The following PCDH9 variants were observed in gnomAD, a reference collection of about 807,000 sequenced individuals.
The protein encoded by PCDH9 is protocadherin-9.
PCDH9 carries 24 observed loss-of-function variants against 70.6 expected under a neutral mutation model. That is an observed-to-expected ratio of 0.34 (90% CI 0.25 to 0.48). The LOEUF (loss-of-function observed/expected upper bound fraction) is 0.48. Ranked by LOEUF, PCDH9 falls within the 20% of genes least tolerant of loss-of-function variation. PCDH9 has a pLI of 0.99. For synonymous variants in PCDH9, 562 were observed against 558.5 expected (o/e 1.01, Z -0.09); for missense variants, 1,281 against 1,503.6 (o/e 0.85, Z 2.45).
At position 66,340,387 on chromosome 13, in the gene PCDH9, T is replaced by C. The variant is rs556873840; in HGVS notation, c.3341-35359A>G. Among the ~76,000 whole-genome samples the C allele has an allele frequency of 4.6e-5, 7 of 152,310 alleles. 1 individual carries two copies. In the South Asian group the frequency reaches 1.2e-3, roughly 27 times the overall value. ...TTCATGGTGACACTTTTCTACTACA[T>C]GGCTTTTTATTGCCCCAAACTAATG... On this transcript the variant is annotated intron_variant, in intron 4 of 4. Coordinates refer to ENST00000377865, the MANE Select transcript of PCDH9 (RefSeq NM_203487.3).
At chr13:66,458,899 A>G (rs891953884) in intron 4 of PCDH9, among the ~76,000 whole-genome samples, 10 of 152,022 alleles carry the variant, frequency 6.6e-5, no homozygotes, top group Non-Finnish European at 1.2e-4. Flanking sequence ...GATACTCTGC[A>G]GGAGGTGGTA....
rs74629966 is a variant in PCDH9 at position 66,455,974 on chromosome 13, C to T, written c.3341-150946G>A. 7.0e-3 allele frequency among the ~76,000 whole-genome samples: 1,060 copies of T among 152,154 alleles called. 2 individuals are homozygous for T. Among genetic ancestry groups the T allele is most frequent in the Non-Finnish European group, 0.011 (755 of 67,996 alleles). ...TGCACTGGCTATGAAATTATATAAA[C>T]GATGTCGCATGAATATATATTCATT... On this transcript the variant is annotated intron_variant, in intron 4 of 4. Transcript: ENST00000377865.
intron 4 of PCDH9, among the ~76,000 whole-genome samples, chr13:66,580,347 A>C (rs140406147): frequency 8.6e-5 from 13 of 152,032 alleles, no homozygotes; most frequent in African/African-American, 3.1e-4. Flanking sequence ...CTAGTGTTAT[A>C]TTCAGTTTTC....
rs186884509 is a variant in PCDH9, at chr13:67,057,922, T to A, written c.3037-154317A>T. ...GTTGATATTTTTTTCTGACTCATAG[T>A]GTTCTCTGAAACTCTGTAATTATAA... On this transcript the variant is annotated intron_variant, in intron 2 of 4. Coordinates refer to ENST00000377865, the MANE Select transcript of PCDH9 (RefSeq NM_203487.3). 4.6e-3 allele frequency among the ~76,000 whole-genome samples: 695 copies of A among 152,210 alleles called. 2 individuals carry two copies. The highest frequency in any genetic ancestry group is 8.1e-3 in the Non-Finnish European group (551 of 68,012).
intron 3 of PCDH9, among the ~76,000 whole-genome samples, chr13:66,827,605 T>C (rs1464273708): frequency 6.6e-6 from 1 of 152,114 alleles, no homozygotes; most frequent in Non-Finnish European, 1.5e-5. Flanking sequence ...TGTTGATGGT[T>C]AGGATATATG....
chr13:67,065,768 T>G (rs1249407521), intron 2 of PCDH9, among the ~76,000 whole-genome samples: 1 of 152,214 alleles, frequency 6.6e-6, no homozygotes, highest in African/African-American at 2.4e-5. Context: ...GTCTTTCACT[T>G]GAAATGAAAA....
At chr13:66,510,358 T>C (rs1185435392) in intron 4 of PCDH9, among the ~76,000 whole-genome samples, 7 of 151,652 alleles carry the variant, frequency 4.6e-5, no homozygotes, top group African/African-American at 1.2e-4. Flanking sequence ...TTTATATATA[T>C]ATATACATAT....
chr13:67,037,834 C>T (rs957579251), intron 2 of PCDH9, among the ~76,000 whole-genome samples: 1 of 152,120 alleles, frequency 6.6e-6, no homozygotes, highest in South Asian at 2.1e-4. Context: ...ACTTCAGTAT[C>T]TCAGCAGTGT....
Position 67,227,245 on chromosome 13 carries a change from A to T in PCDH9, c.1196T>A (p.Val399Glu). ...SDKDTDVNGK[V>E]ICFIEREVPF... ...GACCTCTCTTTCAATAAAACAGATC[A>T]CTTTGCCATTCACATCTGTGTCCTT... The change falls in exon 2 of 5, where the codon GTG becomes GAG. Residue 399 changes from valine (V) to glutamate (E), a missense_variant. By Grantham distance (121) the Val-to-Glu change is moderately radical. This residue lies in a region of PCDH9 where 798 missense variants were observed against 1,003.1 expected (regional missense o/e 0.80). Coordinates refer to ENST00000377865, the MANE Select transcript of PCDH9 (RefSeq NM_203487.3). This position sits in a 1 kb window ranked among gnomAD's most constrained non-coding sequence, Gnocchi z 4.6. 4 of 1,613,602 alleles carry T rather than the reference A, an allele frequency of 2.5e-6. No homozygotes were observed. The highest frequency in any genetic ancestry group is 3.4e-6 in the Non-Finnish European group (4 of 1,179,478).
At chr13:66,579,130 G>A (rs1453634104) in intron 4 of PCDH9, among the ~76,000 whole-genome samples, 1 of 152,072 alleles carries the variant, frequency 6.6e-6, no homozygotes, top group Non-Finnish European at 1.5e-5. Flanking sequence ...CTACAGGTAC[G>A]TGGTTCCTTA....
intron 2 of PCDH9, among the ~76,000 whole-genome samples, chr13:66,972,133 G>T (rs2083534519): frequency 6.6e-6 from 1 of 151,872 alleles, no homozygotes; most frequent in Admixed American, 6.6e-5. Context: ...CCACCTGAAT[G>T]TATTGCTAAT....
chr13:66,546,463 G>A (rs1463711146), intron 4 of PCDH9, among the ~76,000 whole-genome samples: 2 of 151,984 alleles, frequency 1.3e-5, no homozygotes, highest in African/African-American at 4.8e-5. Flanking sequence ...ATAGAATGTG[G>A]ATATAAAGAA....
chr13:66,955,538 T>G (rs1325216436), intron 2 of PCDH9, among the ~76,000 whole-genome samples: 1 of 152,178 alleles, frequency 6.6e-6, no homozygotes, highest in Non-Finnish European at 1.5e-5. Context: ...AAGGATTCTT[T>G]CATGTTATGA....
At chr13:67,066,141 T>C (rs1040866416) in intron 2 of PCDH9, among the ~76,000 whole-genome samples, 8 of 152,194 alleles carry the variant, frequency 5.3e-5, no homozygotes, top group Admixed American at 2.6e-4. Flanking sequence ...TTTCTCATAG[T>C]ATTTTTTAAA....
chr13:66,746,153 C>T (rs1020956985), intron 3 of PCDH9, among the ~76,000 whole-genome samples: 4 of 152,150 alleles, frequency 2.6e-5, no homozygotes, highest in East Asian at 1.9e-4. Flanking sequence ...TTTTTGATAA[C>T]ATTAGATTGC....
Position 66,854,249 on chromosome 13 carries a change from C to A in PCDH9, c.3138+49255G>T, listed in dbSNP as rs190000042. Among the ~76,000 whole-genome samples the A allele has an allele frequency of 3.2e-4, 49 of 152,190 alleles. 1 individual carries two copies. The East Asian group carries it at 9.3e-3, about 29-fold the overall frequency. On this transcript the variant is annotated intron_variant, in intron 3 of 4. Transcript: ENST00000377865. ...TTTATTTCTTTAAGCCTTTACTTTT[C>A]TTTGTCTGTAAAACAGCAGTATAGT... is the stretch of plus-strand genomic sequence containing the variant.
chr13:67,123,517 A>G (rs2086916054), intron 2 of PCDH9, among the ~76,000 whole-genome samples: 1 of 152,214 alleles, frequency 6.6e-6, no homozygotes, highest in Admixed American at 6.5e-5. Context: ...TAAAGACTTC[A>G]TTTGATTTTC....
chr13:66,916,515 AT>A (rs2082559819), intron 2 of PCDH9, among the ~76,000 whole-genome samples: 1 of 151,316 alleles, frequency 6.6e-6, no homozygotes, highest in South Asian at 2.1e-4. Context: ...GGCCAATTGG[AT>A]ATTCTAAAAG....
Position 66,773,106 on chromosome 13 carries a change from A to G in PCDH9, c.3138+130398T>C, listed in dbSNP as rs533685899. Among the ~76,000 whole-genome samples the G allele has an allele frequency of 1.1e-3, 172 of 152,346 alleles. 1 individual carries two copies. The highest frequency in any genetic ancestry group is 2.1e-4 in the South Asian group (1 of 4,824). On this transcript the variant is annotated intron_variant, in intron 3 of 4. Transcript: ENST00000377865. ...TCAACTACGTGACCGATCCTAAGTC[A>G]GCCAGCCGGTGTGTCTTTCATGTAT... is the stretch of plus-strand genomic sequence containing the variant.
Sources: gnomAD v4.1 joint callset for allele counts (sites outside exome capture counted in the v4.1 genomes callset) on GRCh38, gnomAD v4.1.1 for gene constraint, gnomAD v4.1.1 regional missense constraint, Gnocchi (gnomAD v3.1) non-coding constraint, MANE v1.5 for transcripts, NCBI Gene and HGNC (gene_info 2026-07-23, HGNC 2026-07-21) for gene names.